CCDC180: variants seen among roughly 807,000 people sequenced by gnomAD.
CCDC180 encodes coiled-coil domain containing 180, also known as coiled-coil domain-containing protein 180.
CCDC180 carries 154 observed loss-of-function variants against 209.2 expected under a neutral mutation model. That is an observed-to-expected ratio of 0.74 (90% CI 0.65 to 0.84). The LOEUF (loss-of-function observed/expected upper bound fraction) is 0.84. Ranked by LOEUF, CCDC180 falls within the 40% of genes least tolerant of loss-of-function variation. CCDC180 has a pLI of 0.00. For synonymous variants in CCDC180, 778 were observed against 749.1 expected (o/e 1.04, Z -0.63); for missense variants, 1,874 against 1,997.3 (o/e 0.94, Z 1.18).
chr9:97,375,112 C>T (rs2242187), intron 35 of CCDC180, among the ~76,000 whole-genome samples: 82,037 of 151,964 alleles, frequency 0.54, 23,366 homozygotes, highest in African/African-American at 0.71. Context: ...AAGTGGTGTT[C>T]AGGGCATCAT....
Position 97,356,338 on chromosome 9 carries a change from C to T in CCDC180, c.3265-1289C>T, listed in dbSNP as rs551223192. 1.4e-3 allele frequency among the ~76,000 whole-genome samples: 220 copies of T among 152,310 alleles called. 1 individual carries two copies. The highest frequency in any genetic ancestry group is 2.0e-3 in the Non-Finnish European group (136 of 68,024). On this transcript the variant is annotated intron_variant, in intron 24 of 36. Coordinates refer to ENST00000529487, the MANE Select transcript of CCDC180 (RefSeq NM_020893.6). ...AAAAGAAGTGTTTGCTGGCATCTCA[C>T]GCTCTGAGATAGGGACTCCAGACCC...
chr9:97,313,128 G>A lies in CCDC180; in HGVS notation c.350-108G>A, dbSNP rs1833044990. ...GCCTCTGCCACCCTGACCTGGCTCT[G>A]GGGTCTACCTTCTGAGCCAGGCCTC... On this transcript the variant is annotated intron_variant, in intron 4 of 36. Transcript: ENST00000529487. 3 of 706,674 alleles carry A rather than the reference G, an allele frequency of 4.2e-6. No individual in the cohort carries two copies. In the South Asian group the frequency reaches 4.5e-5, roughly 11 times the overall value. The allele number at this position is 706,674 out of a possible 1,614,324, so 43.8% of individuals were successfully genotyped here. A position where few individuals can be genotyped will look rare whatever the true frequency, so the allele number is the denominator to read the frequency against.
intron 18 of CCDC180, among the ~76,000 whole-genome samples, chr9:97,335,078 C>T (rs1825861482): frequency 6.6e-6 from 1 of 152,184 alleles, no homozygotes; most frequent in South Asian, 2.1e-4. Flanking sequence ...CATTTTTACA[C>T]CCAGCCTGTT....
intron 32 of CCDC180, 50 bp from the exon 33 acceptor site, chr9:97,370,591 A>G: frequency 6.3e-7 from 1 of 1,598,362 alleles, no homozygotes; most frequent in Non-Finnish European, 8.5e-7. Context: ...CAGGTCAGTG[A>G]CTTTTGGTGG....
At chr9:97,327,342 G>A (rs1833566917) in intron 15 of CCDC180, among the ~76,000 whole-genome samples, 1 of 151,996 alleles carries the variant, frequency 6.6e-6, no homozygotes, top group African/African-American at 2.4e-5. Flanking sequence ...TTAAAATAAA[G>A]GTTGGATTAT....
Position 97,369,999 on chromosome 9 carries a change from C to T in CCDC180, c.4267C>T (p.His1423Tyr), listed in dbSNP as rs200929163. ...GCTGGTGATGGAGAATTTCAAGGAACACCACTGGAAAAAGTTTTTCACCTC... is the reference window on the plus strand; with the variant it reads ...GCTGGTGATGGAGAATTTCAAGGAATACCACTGGAAAAAGTTTTTCACCTC... ...CWLVMENFKE[H>Y]HWKKFFTSVK... Residue 1423 changes from histidine (H) to tyrosine (Y), a missense_variant, in exon 32 of 37, where the codon CAC (histidine) becomes TAC (tyrosine). By Grantham distance (83) the His-to-Tyr change is moderately conservative. Transcript: ENST00000529487. 4.4e-5 allele frequency: 71 copies of T among 1,614,148 alleles called. No homozygotes were observed. The highest frequency in any genetic ancestry group is 1.6e-4 in the Middle Eastern group (1 of 6,062).
Position 97,376,632 on chromosome 9 carries a change from T to C in CCDC180, c.4843-131T>C. The C allele has an allele frequency of 3.3e-6, 3 of 900,940 alleles. No homozygotes were observed. The East Asian group carries it at 7.6e-5, about 23-fold the overall frequency. 55.8% of individuals were successfully genotyped at this position (900,940 alleles called of 1,614,324 possible). A position where few individuals can be genotyped will look rare whatever the true frequency, so the allele number is the denominator to read the frequency against. On this transcript the variant is annotated intron_variant, in intron 36 of 36. Coordinates refer to ENST00000529487, the MANE Select transcript of CCDC180 (RefSeq NM_020893.6). ...GACTACCTGGTTTCTACCTGAGAAGTGACTTGGAGAACTCTTGCCAGTGCC... is the reference window on the plus strand; with the variant it reads ...GACTACCTGGTTTCTACCTGAGAAGCGACTTGGAGAACTCTTGCCAGTGCC...
chr9:97,371,314 C>G (rs559599957), intron 33 of CCDC180: 1 of 264,782 alleles, frequency 3.8e-6, no homozygotes, highest in Non-Finnish European at 7.1e-6. Context: ...AAATTACTGA[C>G]GATAACTTTT....
intron 25 of CCDC180, among the ~76,000 whole-genome samples, chr9:97,359,686 C>A (rs1400731398): frequency 5.3e-5 from 8 of 151,882 alleles, no homozygotes; most frequent in Non-Finnish European, 8.8e-5. Flanking sequence ...ATGGGGAGAA[C>A]AAGTTGAGCA....
intron 28 of CCDC180, chr9:97,363,459 T>C (rs1209554002): frequency 3.1e-6 from 1 of 322,048 alleles, no homozygotes. Context: ...GCTCTATTTT[T>C]TATATGATCC....
intron 20 of CCDC180, among the ~76,000 whole-genome samples, chr9:97,348,344 C>T (rs900945695): frequency 6.6e-6 from 1 of 152,172 alleles, no homozygotes; most frequent in African/African-American, 2.4e-5. Context: ...TTTGGAACCT[C>T]ATTGTTCTCA....
Position 97,328,155 on chromosome 9 carries a change from A to C in CCDC180, c.1788+9A>C, listed in dbSNP as rs1422861331. On this transcript the variant is annotated intron_variant, in intron 16 of 36. Transcript: ENST00000529487. ...GTGAAATCTTTGAACAGGTATGGAG[A>C]GGGTGATGATACACCCAGCCACTCA... is the stretch of plus-strand genomic sequence containing the variant. 4 of 1,610,584 alleles carry C rather than the reference A, an allele frequency of 2.5e-6. No individual in the cohort carries two copies. The highest frequency in any genetic ancestry group is 2.2e-5 in the East Asian group (1 of 44,668).
At chr9:97,315,349 G>A (rs1333154391) in intron 8 of CCDC180, among the ~76,000 whole-genome samples, 1 of 152,094 alleles carries the variant, frequency 6.6e-6, no homozygotes, top group Admixed American at 6.5e-5. Context: ...ACCTTCATGA[G>A]TGATCTGCTC....
intron 18 of CCDC180, among the ~76,000 whole-genome samples, chr9:97,343,035 T>G (rs1268422261): frequency 6.6e-6 from 1 of 152,106 alleles, no homozygotes; most frequent in Non-Finnish European, 1.5e-5. Context: ...AAGTGTAAAA[T>G]AATGACAAAT....
chr9:97,357,232 C>A (rs1826609115), intron 24 of CCDC180, among the ~76,000 whole-genome samples: 1 of 151,958 alleles, frequency 6.6e-6, no homozygotes, highest in African/African-American at 2.4e-5. Context: ...CTTGGCTCTG[C>A]ACTGCTGGAG....
At chr9:97,307,355 C>T (rs1445469212), upstream of CCDC180, 3 of 490,052 alleles carry the variant, frequency 6.1e-6, no homozygotes, top group East Asian at 5.9e-5. Context: ...CTGGACCGGC[C>T]CTGGCTGCCT....
intron 30 of CCDC180, 118 bp downstream of exon 30, chr9:97,365,857 AC>A: frequency 1.2e-6 from 1 of 840,564 alleles, no homozygotes; most frequent in Non-Finnish European, 1.9e-6. Context: ...CCCCGCCATG[AC>A]CACAGCTCCC....
intron 12 of CCDC180, among the ~76,000 whole-genome samples, 187 bp downstream of exon 12, chr9:97,323,108 G>A (rs1833410784): frequency 6.6e-6 from 1 of 152,054 alleles, no homozygotes; most frequent in Admixed American, 6.5e-5. Flanking sequence ...TAGCCCCAAT[G>A]CCTGGTGCTC....
chr9:97,355,231 T>C (rs1826544533), intron 24 of CCDC180, among the ~76,000 whole-genome samples: 1 of 152,144 alleles, frequency 6.6e-6, no homozygotes, highest in Non-Finnish European at 1.5e-5. Context: ...CACAGCTCAC[T>C]GTAGCCTCAA....
Sources: allele counts gnomAD v4.1 joint callset (sites outside exome capture counted in the v4.1 genomes callset), GRCh38; gene constraint gnomAD v4.1.1; transcripts MANE v1.5; gene names NCBI Gene and HGNC (gene_info 2026-07-23, HGNC 2026-07-21).